The following CNTNAP2 variants were observed in gnomAD, a reference collection of about 807,000 sequenced individuals.
The protein encoded by CNTNAP2 is contactin associated protein 2, also known as contactin-associated protein-like 2.
A neutral mutation model predicts 155.2 loss-of-function variants in CNTNAP2; 98 were observed. That is an observed-to-expected ratio of 0.63 (90% CI 0.54 to 0.75). The LOEUF (loss-of-function observed/expected upper bound fraction) is 0.75, where lower values mean the gene tolerates loss of function less well. Among genes scored for constraint, CNTNAP2 ranks in the 30% least tolerant of loss-of-function variants. The pLI is 0.00. For synonymous variants in CNTNAP2, 651 were observed against 631.2 expected (o/e 1.03, Z -0.47); for missense variants, 1,727 against 1,688.1 (o/e 1.02, Z -0.40).
intron 1 of CNTNAP2, among the ~76,000 whole-genome samples, chr7:146,622,132 T>C (rs1421495335): frequency 4.8e-5 from 1 of 20,644 alleles, no homozygotes; most frequent in African/African-American, 9.6e-4. Flanking sequence ...TGTATGTGTA[T>C]ATATATATAT....
chr7:146,917,828 C>A (rs545823590), intron 3 of CNTNAP2, among the ~76,000 whole-genome samples: 1 of 152,272 alleles, frequency 6.6e-6, no homozygotes, highest in South Asian at 2.1e-4. Context: ...TGCTTTCCAC[C>A]ATGATTGTGA....
At chr7:146,230,211 TG>T (rs1314172311) in intron 1 of CNTNAP2, among the ~76,000 whole-genome samples, 2 of 152,212 alleles carry the variant, frequency 1.3e-5, no homozygotes, top group African/African-American at 2.4e-5. Context: ...GTAGGACTAA[TG>T]GAAGTGAGTA....
At chr7:147,364,187 T>A (rs1157624898) in intron 9 of CNTNAP2, among the ~76,000 whole-genome samples, 1 of 152,232 alleles carries the variant, frequency 6.6e-6, no homozygotes, top group Non-Finnish European at 1.5e-5. Flanking sequence ...TAAGCTAGTC[T>A]ACATGCTGCT....
At chr7:146,824,078 T>G (rs952214463) in intron 2 of CNTNAP2, among the ~76,000 whole-genome samples, 1 of 152,118 alleles carries the variant, frequency 6.6e-6, no homozygotes, top group Non-Finnish European at 1.5e-5. Context: ...GATGTTCCCC[T>G]TCCTGTGTCC....
chr7:147,621,827 A>C (rs1794862426), intron 12 of CNTNAP2, among the ~76,000 whole-genome samples: 1 of 152,024 alleles, frequency 6.6e-6, no homozygotes, highest in Non-Finnish European at 1.5e-5. Flanking sequence ...CAAACAGAAG[A>C]CATACAGTAG....
intron 1 of CNTNAP2, among the ~76,000 whole-genome samples, chr7:146,522,092 C>G (rs1221190607): frequency 6.6e-6 from 1 of 151,950 alleles, no homozygotes; most frequent in Non-Finnish European, 1.5e-5. Context: ...ATTTCAATAG[C>G]TAGACTCTCA....
rs543373138 is a variant in CNTNAP2, at chr7:147,871,627, T to A, written c.2099-31938T>A. 1.8e-4 allele frequency among the ~76,000 whole-genome samples: 28 copies of A among 151,940 alleles called. No homozygotes were observed. The South Asian group carries it at 5.8e-3, about 32-fold the overall frequency. ...TGCTGCCCACTGAAGTGGGTACAAT[T>A]TCTTTATCCACCCATTCTTCTCCAT... On this transcript the variant is annotated intron_variant, in intron 13 of 23. Transcript: ENST00000361727.
At chr7:146,255,868 G>C (rs1283459001) in intron 1 of CNTNAP2, among the ~76,000 whole-genome samples, 2 of 152,166 alleles carry the variant, frequency 1.3e-5, no homozygotes, top group Non-Finnish European at 2.9e-5. Flanking sequence ...ATGAGACAGA[G>C]TGAATTATGT....
chr7:148,063,585 A>C (rs921316530), intron 15 of CNTNAP2, among the ~76,000 whole-genome samples: 4 of 137,406 alleles, frequency 2.9e-5, no homozygotes, highest in African/African-American at 1.1e-4. Context: ...TTCTTTTTTT[A>C]ATTTTTTTTT....
chr7:146,582,868 A>C (rs535362969), intron 1 of CNTNAP2, among the ~76,000 whole-genome samples: 7 of 149,494 alleles, frequency 4.7e-5, no homozygotes, highest in Non-Finnish European at 1.0e-4. Context: ...CCTCACTCTG[A>C]TCTATAAATA....
chr7:147,621,220 T>G (rs2116892715), intron 12 of CNTNAP2, among the ~76,000 whole-genome samples: 1 of 152,138 alleles, frequency 6.6e-6, no homozygotes, highest in Non-Finnish European at 1.5e-5. Flanking sequence ...ACCTGTCCTA[T>G]GAGAAATGCT....
At chr7:147,199,551 T>C (rs2116544773) in intron 8 of CNTNAP2, among the ~76,000 whole-genome samples, 1 of 152,302 alleles carries the variant, frequency 6.6e-6, no homozygotes, top group East Asian at 1.9e-4. Flanking sequence ...ATTATGTGCC[T>C]TCTCTTCAAA....
At chr7:147,505,976 C>G (rs1487004555) in intron 11 of CNTNAP2, among the ~76,000 whole-genome samples, 4 of 152,170 alleles carry the variant, frequency 2.6e-5, no homozygotes, top group African/African-American at 9.7e-5. Context: ...TAAGAACCGG[C>G]TCAAGCATCA....
intron 20 of CNTNAP2, among the ~76,000 whole-genome samples, chr7:148,230,192 G>A (rs1248149230): frequency 6.6e-6 from 1 of 152,178 alleles, no homozygotes; most frequent in African/African-American, 2.4e-5. Flanking sequence ...AATACAAAGA[G>A]CTGTATTTTT....
At chr7:146,777,481 A>G (rs1281489092) in intron 2 of CNTNAP2, among the ~76,000 whole-genome samples, 1 of 152,216 alleles carries the variant, frequency 6.6e-6, no homozygotes, top group Admixed American at 6.5e-5. Context: ...AATGTGGGTC[A>G]AGGGAACTAG....
chr7:146,593,410 AAG>A (rs1449908340), intron 1 of CNTNAP2, among the ~76,000 whole-genome samples: 3 of 152,080 alleles, frequency 2.0e-5, no homozygotes, highest in African/African-American at 7.2e-5. Context: ...TTGAATGAAG[AAG>A]AGAAACACGT....
intron 1 of CNTNAP2, among the ~76,000 whole-genome samples, chr7:146,426,536 A>C (rs1639431): frequency 6.7e-6 from 1 of 149,878 alleles, no homozygotes; most frequent in Non-Finnish European, 1.5e-5. Context: ...AAAACATTTT[A>C]AAAAATTTAA....
intron 1 of CNTNAP2, among the ~76,000 whole-genome samples, chr7:146,548,251 G>A (rs1798059788): frequency 6.6e-6 from 1 of 151,906 alleles, no homozygotes; most frequent in African/African-American, 2.4e-5. Flanking sequence ...ATTTGCTAAG[G>A]ATAATGGCCA....
chr7:147,356,566 G>T (rs915680785), intron 9 of CNTNAP2, among the ~76,000 whole-genome samples: 1 of 152,090 alleles, frequency 6.6e-6, no homozygotes, highest in African/African-American at 2.4e-5. Context: ...AAGCTGGTAA[G>T]AATTCTTTAT....
Sources: allele counts gnomAD v4.1 joint callset (sites outside exome capture counted in the v4.1 genomes callset), GRCh38; gene constraint gnomAD v4.1.1; transcripts MANE v1.5; gene names NCBI Gene and HGNC (gene_info 2026-07-23, HGNC 2026-07-21).